DNAJC15: variants seen among roughly 807,000 people sequenced by gnomAD.
DNAJC15 encodes DnaJ heat shock protein family (Hsp40) member C15, also known as dnaJ homolog subfamily C member 15.
DNAJC15 carries 27 observed loss-of-function variants against 22.4 expected under a neutral mutation model. The observed-to-expected ratio is 1.20, with a 90% CI of 0.89 to 1.66. DNAJC15 has a LOEUF of 1.66. DNAJC15 is among the 40% of genes most tolerant of loss of function. The pLI, the probability that DNAJC15 is intolerant of heterozygous loss-of-function variation, is 0.00. For synonymous variants in DNAJC15, 79 were observed against 63.2 expected (o/e 1.25, Z -1.19); for missense variants, 208 against 187.1 (o/e 1.11, Z -0.65).
intron 3 of DNAJC15, among the ~76,000 whole-genome samples, 164 bp downstream of exon 3, chr13:43,069,167 T>C (rs921290343): frequency 3.3e-5 from 5 of 152,246 alleles, no homozygotes; most frequent in Admixed American, 2.0e-4. Context: ...TCAGTTTCTT[T>C]TAAGTTATTG....
chr13:43,073,888 A>C (rs1343668770), intron 3 of DNAJC15, among the ~76,000 whole-genome samples: 1 of 151,160 alleles, frequency 6.6e-6, no homozygotes, highest in African/African-American at 2.4e-5. Context: ...TAATGTATTA[A>C]TGTATATTAT....
At chr13:43,033,128 C>T (rs987618893) in intron 1 of DNAJC15, among the ~76,000 whole-genome samples, 2 of 152,172 alleles carry the variant, frequency 1.3e-5, no homozygotes, top group East Asian at 1.9e-4. Flanking sequence ...GAAATTGCCG[C>T]CATGACCCAA....
chr13:43,092,065 A>G (rs761966159), intron 5 of DNAJC15, among the ~76,000 whole-genome samples: 24 of 152,168 alleles, frequency 1.6e-4, no homozygotes, highest in Non-Finnish European at 2.8e-4. Flanking sequence ...TTGTCTGCCT[A>G]CTCCATTATC....
chr13:43,042,551 C>T (rs1028189285), intron 1 of DNAJC15, among the ~76,000 whole-genome samples: 1 of 152,034 alleles, frequency 6.6e-6, no homozygotes, highest in African/African-American at 2.4e-5. Context: ...GCTCCAGCTC[C>T]CAAACTGAAA....
intron 1 of DNAJC15, among the ~76,000 whole-genome samples, chr13:43,049,415 T>C (rs1269290489): frequency 6.6e-6 from 1 of 152,220 alleles, no homozygotes; most frequent in Admixed American, 6.5e-5. Context: ...ATACAGATCC[T>C]CTTAGCCCAA....
chr13:43,092,733 A>G (rs2040721277), intron 5 of DNAJC15, among the ~76,000 whole-genome samples: 1 of 152,180 alleles, frequency 6.6e-6, no homozygotes, highest in African/African-American at 2.4e-5. Context: ...GCAACATAGC[A>G]AGACCCTTTC....
chr13:43,106,189 T>A (rs1431574889), intron 5 of DNAJC15, among the ~76,000 whole-genome samples: 1 of 152,220 alleles, frequency 6.6e-6, no homozygotes, highest in Non-Finnish European at 1.5e-5. Context: ...TGTAAGCTAC[T>A]GAGACCTTAT....
intron 5 of DNAJC15, among the ~76,000 whole-genome samples, chr13:43,098,646 A>G (rs1354355630): frequency 6.6e-6 from 1 of 152,178 alleles, no homozygotes; most frequent in Non-Finnish European, 1.5e-5. Flanking sequence ...GACATGTGCA[A>G]ACATCGCACT....
intron 5 of DNAJC15, among the ~76,000 whole-genome samples, chr13:43,086,414 C>T (rs1244547964): frequency 6.6e-6 from 1 of 151,140 alleles, no homozygotes; most frequent in East Asian, 2.0e-4. Flanking sequence ...GCTGTTTCTG[C>T]TTTAAAATAA....
chr13:43,106,991 G>A (rs895807670), intron 5 of DNAJC15, among the ~76,000 whole-genome samples, 187 bp from the exon 6 acceptor site: 3 of 151,590 alleles, frequency 2.0e-5, no homozygotes, highest in Admixed American at 2.0e-4. Context: ...TTATTGTTGG[G>A]TAGTTGTAGG....
intron 3 of DNAJC15, among the ~76,000 whole-genome samples, chr13:43,070,433 T>A (rs1183736606): frequency 1.3e-5 from 2 of 151,740 alleles, no homozygotes; most frequent in East Asian, 3.9e-4. Context: ...GGAGCTTACA[T>A]GTTAGTGGAG....
intron 5 of DNAJC15, among the ~76,000 whole-genome samples, chr13:43,101,910 T>C (rs2040771150): frequency 6.6e-6 from 1 of 152,224 alleles, no homozygotes; most frequent in Admixed American, 6.5e-5. Context: ...CAAGTGTCTT[T>C]TTCACATAAT....
intron 1 of DNAJC15, among the ~76,000 whole-genome samples, chr13:43,045,855 T>C: frequency 6.6e-6 from 1 of 152,260 alleles, no homozygotes. Context: ...AATCACTGCG[T>C]AAAATAATTA....
intron 2 of DNAJC15, among the ~76,000 whole-genome samples, chr13:43,067,667 T>C (rs2040590235): frequency 6.6e-6 from 1 of 152,130 alleles, no homozygotes; most frequent in South Asian, 2.1e-4. Flanking sequence ...TACAACCAAA[T>C]AATAGAATTT....
At chr13:43,056,292 C>T (rs771817067) in intron 1 of DNAJC15, among the ~76,000 whole-genome samples, 3 of 152,082 alleles carry the variant, frequency 2.0e-5, no homozygotes, top group Non-Finnish European at 4.4e-5. Context: ...GCATGCACCA[C>T]CACGCCTGGC....
chr13:43,030,196 T>A (rs17624230), intron 1 of DNAJC15, among the ~76,000 whole-genome samples: 26,008 of 152,174 alleles, frequency 0.17, 2,774 homozygotes, highest in Non-Finnish European at 0.24. Context: ...AAATAGGTTC[T>A]GTTTTTAAAA....
intron 1 of DNAJC15, among the ~76,000 whole-genome samples, chr13:43,050,745 A>C (rs1357227178): frequency 6.6e-6 from 1 of 152,232 alleles, no homozygotes; most frequent in Non-Finnish European, 1.5e-5. Flanking sequence ...AAACCCTTTC[A>C]ATAGAGAATT....
At position 43,111,941 on chromosome 13, in the gene DNAJC15, G is replaced by T. The variant is rs1049952525; in HGVS notation, c.*4693G>T. On this transcript the variant is annotated 3_prime_UTR_variant, in exon 6 of 6. Transcript: ENST00000379221. ...TATGGTGGCATTACACACATTAAGA[G>T]ATGAGGACTTCTGTTAGCATAATTT... 5 of 152,214 alleles carry T rather than the reference G, an allele frequency of 3.3e-5. No individual in the cohort carries two copies. Among genetic ancestry groups the T allele is most frequent in the Non-Finnish European group, 7.3e-5 (5 of 68,036 alleles). The allele number at this position is 152,214 out of a possible 1,614,324, so 9.4% of individuals were successfully genotyped here. A position where few individuals can be genotyped will look rare whatever the true frequency, so the allele number is the denominator to read the frequency against.
intron 1 of DNAJC15, among the ~76,000 whole-genome samples, chr13:43,054,619 T>C (rs1372518726): frequency 1.3e-5 from 2 of 151,910 alleles, no homozygotes; most frequent in Non-Finnish European, 2.9e-5. Flanking sequence ...TAGTTCTACC[T>C]TGTTTAATCT....
Sources: gnomAD v4.1 joint callset for allele counts (sites outside exome capture counted in the v4.1 genomes callset) on GRCh38, gnomAD v4.1.1 for gene constraint, MANE v1.5 for transcripts, NCBI Gene and HGNC (gene_info 2026-07-23, HGNC 2026-07-21) for gene names.